Variants in MAP2 observed in about 807,000 individuals in gnomAD.
MAP2 encodes the protein microtubule associated protein 2.
Under a neutral mutation model 137.6 loss-of-function variants are expected in MAP2, and 14 were observed. The ratio of observed to expected loss-of-function variants is 0.10; its 90% CI spans 0.07 to 0.16. MAP2 has a LOEUF of 0.16. MAP2 is among the 10% of genes least tolerant of loss of function. The probability of loss-of-function intolerance (pLI) is 1.00; values close to 1 mark genes in which losing one functional copy is unlikely to be tolerated. For synonymous variants in MAP2, 786 were observed against 782.3 expected (o/e 1.00, Z -0.08); for missense variants, 2,088 against 2,191.5 (o/e 0.95, Z 0.94).
In MAP2 at chr2:209,606,770, T is replaced by G. The variant is rs75950826; in HGVS notation, c.-106-18283T>G. Among the ~76,000 whole-genome samples, 816 of 152,306 alleles carry G rather than the reference T, an allele frequency of 5.4e-3. 7 individuals are homozygous for G. The highest frequency in any genetic ancestry group is 0.019 in the African/African-American group (794 of 41,560). On this transcript the variant is annotated intron_variant, in intron 3 of 15. Coordinates refer to ENST00000682079, the MANE Select transcript of MAP2 (RefSeq NM_001375505.1). The stretch of plus-strand genomic sequence containing the variant: ...CATTTGATTTTGCATATATGAGCCC[T>G]GCTTGGAGCTAAGTAACTGCATAAT...
At chr2:209,460,259 A>G (rs2149580078) in intron 1 of MAP2, among the ~76,000 whole-genome samples, 1 of 152,340 alleles carries the variant, frequency 6.6e-6, no homozygotes, top group Admixed American at 6.5e-5. Context: ...GGCCATCGTA[A>G]TGTATGAAGA....
At chr2:209,644,235 C>T (rs1003866079) in intron 4 of MAP2, among the ~76,000 whole-genome samples, 3 of 152,144 alleles carry the variant, frequency 2.0e-5, no homozygotes, top group Non-Finnish European at 4.4e-5. Flanking sequence ...AGTAGTTTAT[C>T]TTAAAAGTAT....
chr2:209,655,975 A>G (rs2095116021), intron 5 of MAP2, among the ~76,000 whole-genome samples: 1 of 152,140 alleles, frequency 6.6e-6, no homozygotes, highest in Non-Finnish European at 1.5e-5. Flanking sequence ...CTTTTTAATC[A>G]TTTATATAAA....
At chr2:209,459,867 T>G (rs1702355419) in intron 1 of MAP2, among the ~76,000 whole-genome samples, 1 of 152,124 alleles carries the variant, frequency 6.6e-6, no homozygotes, top group Admixed American at 6.5e-5. Context: ...CCATGGAGCT[T>G]CTATTCTTAG....
intron 2 of MAP2, among the ~76,000 whole-genome samples, chr2:209,565,615 T>A (rs760208236): frequency 4.6e-5 from 7 of 152,234 alleles, no homozygotes; most frequent in Non-Finnish European, 1.0e-4. Context: ...CAGTCATAGG[T>A]ATATCCTTAT....
At chr2:209,474,223 A>C (rs1426864380) in intron 1 of MAP2, among the ~76,000 whole-genome samples, 2 of 152,204 alleles carry the variant, frequency 1.3e-5, no homozygotes, top group African/African-American at 4.8e-5. Flanking sequence ...ATCTTTGTAA[A>C]TGTACTTAAC....
intron 2 of MAP2, among the ~76,000 whole-genome samples, chr2:209,576,522 C>T (rs1186758982): frequency 6.6e-6 from 1 of 152,088 alleles, no homozygotes; most frequent in Non-Finnish European, 1.5e-5. Context: ...GCTGAGATTA[C>T]AGGCATGAAC....
chr2:209,675,125 T>G (rs2050719970), intron 5 of MAP2, among the ~76,000 whole-genome samples: 1 of 151,898 alleles, frequency 6.6e-6, no homozygotes, highest in Non-Finnish European at 1.5e-5. Context: ...CTAAAAAGTC[T>G]TAAAGATAAT....
At chr2:209,471,982 C>T (rs1279357636) in intron 1 of MAP2, among the ~76,000 whole-genome samples, 1 of 152,036 alleles carries the variant, frequency 6.6e-6, no homozygotes, top group Non-Finnish European at 1.5e-5. Context: ...TTTTGCTATT[C>T]TCCCCACCAC....
chr2:209,670,786 G>A (rs1225564267), intron 5 of MAP2, among the ~76,000 whole-genome samples: 1 of 151,804 alleles, frequency 6.6e-6, no homozygotes, highest in African/African-American at 2.4e-5. Context: ...TGACTGTGGC[G>A]GGATCAGTCA....
At chr2:209,589,438 T>G (rs570022903) in intron 3 of MAP2, among the ~76,000 whole-genome samples, 1 of 152,272 alleles carries the variant, frequency 6.6e-6, no homozygotes, top group Non-Finnish European at 1.5e-5. Flanking sequence ...AATGAGTGTA[T>G]TGCCCTAAAT....
chr2:209,525,713 G>C (rs544675939), intron 2 of MAP2, among the ~76,000 whole-genome samples: 9 of 152,132 alleles, frequency 5.9e-5, no homozygotes, highest in African/African-American at 2.2e-4. Flanking sequence ...TCAAAATTCC[G>C]CTAAATAAAA....
At position 209,695,046 on chromosome 2, in the gene MAP2, G is replaced by T. The variant is rs781235582; in HGVS notation, c.2876G>T (p.Arg959Met). 6 of 1,614,128 alleles carry T rather than the reference G, an allele frequency of 3.7e-6. No individual in the cohort carries two copies. The highest frequency in any genetic ancestry group is 1.1e-5 in the South Asian group (1 of 91,084). ...GACCAAGAGAAGAAAGCTAATGATA[G>T]GTTGGATACTGTACTAGAAAAGAGT... is the stretch of plus-strand genomic sequence containing the variant. ...EFDQEKKAND[R>M]LDTVLEKSEE... is the part of the protein sequence containing the mutation. Residue 959 changes from arginine (R) to methionine (M), a missense_variant, in exon 8 of 16, where the codon AGG becomes ATG. Coordinates refer to ENST00000682079, the MANE Select transcript of MAP2 (RefSeq NM_001375505.1).
intron 5 of MAP2, among the ~76,000 whole-genome samples, chr2:209,667,023 G>T (rs1391756965): frequency 1.3e-5 from 2 of 150,760 alleles, no homozygotes; most frequent in Non-Finnish European, 2.9e-5. Context: ...CACCAGTTCT[G>T]TGGGAAAATG....
chr2:209,533,832 A>G (rs2150607764), intron 2 of MAP2, among the ~76,000 whole-genome samples: 1 of 152,318 alleles, frequency 6.6e-6, no homozygotes, highest in Non-Finnish European at 1.5e-5. Context: ...CATTCCTGGG[A>G]GAACTAGGTT....
At chr2:209,565,582 G>T (rs1324638446) in intron 2 of MAP2, among the ~76,000 whole-genome samples, 2 of 152,050 alleles carry the variant, frequency 1.3e-5, no homozygotes, top group Non-Finnish European at 2.9e-5. Flanking sequence ...TTCCATCCAT[G>T]ATTTATAGCT....
At chr2:209,595,729 G>A (rs554992654) in intron 3 of MAP2, among the ~76,000 whole-genome samples, 269 of 152,306 alleles carry the variant, frequency 1.8e-3, no homozygotes, top group African/African-American at 6.2e-3. Context: ...TGATAGACTG[G>A]ATTAAGAAAA....
intron 1 of MAP2, among the ~76,000 whole-genome samples, chr2:209,432,531 A>G (rs1257842972): frequency 6.6e-6 from 1 of 152,206 alleles, no homozygotes; most frequent in Admixed American, 6.5e-5. Context: ...TTAAATATTA[A>G]GGAGAAACAT....
At chr2:209,540,546 AC>A (rs2066781258) in intron 2 of MAP2, among the ~76,000 whole-genome samples, 1 of 134,844 alleles carries the variant, frequency 7.4e-6, no homozygotes, top group South Asian at 2.4e-4. Flanking sequence ...CGGAAGAATC[AC>A]TTGAACCCAG....
Sources: allele counts gnomAD v4.1 joint callset (sites outside exome capture counted in the v4.1 genomes callset), GRCh38; gene constraint gnomAD v4.1.1; transcripts MANE v1.5; gene names NCBI Gene and HGNC (gene_info 2026-07-23, HGNC 2026-07-21).